KIAA1549L: variants seen among roughly 807,000 people sequenced by gnomAD.
KIAA1549L encodes UPF0606 protein KIAA1549L.
KIAA1549L carries 88 observed loss-of-function variants against 160.7 expected under a neutral mutation model. The observed-to-expected ratio is 0.55, with a 90% confidence interval of 0.46 to 0.65. KIAA1549L has a LOEUF of 0.65. KIAA1549L is among the 30% of genes least tolerant of loss of function. The pLI, the probability that KIAA1549L is intolerant of heterozygous loss-of-function variation, is 0.00. For synonymous variants in KIAA1549L, 950 were observed against 976.7 expected (o/e 0.97, Z 0.51); for missense variants, 2,258 against 2,437.5 (o/e 0.93, Z 1.55).
chr11:33,500,147 TA>T (rs1435182849), intron 1 of KIAA1549L, among the ~76,000 whole-genome samples: 1 of 152,210 alleles, frequency 6.6e-6, no homozygotes, highest in Non-Finnish European at 1.5e-5. Flanking sequence ...AGATTTCTTA[TA>T]AAGGAGAATT....
At chr11:33,504,462 T>TTCCC in intron 1 of KIAA1549L, among the ~76,000 whole-genome samples, 1 of 151,592 alleles carries the variant, frequency 6.6e-6, no homozygotes, top group African/African-American at 2.4e-5. Context: ...TTCCCTTCCC[T>TTCCC]TTCCCTTTCT....
intron 12 of KIAA1549L, among the ~76,000 whole-genome samples, chr11:33,597,081 C>T (rs115976753): frequency 5.3e-5 from 8 of 152,152 alleles, no homozygotes; most frequent in Admixed American, 1.3e-4. Flanking sequence ...AGATTGTGAC[C>T]GAATAAATTT....
At position 33,668,496 on chromosome 11, in the gene KIAA1549L, A is replaced by C; in HGVS notation, c.*342A>C. The C allele has an allele frequency of 3.2e-6, 1 of 315,430 alleles. No individual in the cohort carries two copies. The highest frequency in any genetic ancestry group is 6.0e-6 in the Non-Finnish European group (1 of 167,780). 19.5% of individuals were successfully genotyped at this position (315,430 alleles called of 1,614,324 possible). ...CCTATCCAATGCCACATTTTAATAA[A>C]TCACCGGAAGCGGGAGAATGTAGCT... On this transcript the variant is annotated 3_prime_UTR_variant, in exon 21 of 21. Transcript: ENST00000658780.
chr11:33,501,580 A>G (rs1418228998), intron 1 of KIAA1549L, among the ~76,000 whole-genome samples: 1 of 152,212 alleles, frequency 6.6e-6, no homozygotes, highest in Non-Finnish European at 1.5e-5. Flanking sequence ...AGAAGACTGA[A>G]TGAAGATAAA....
At chr11:33,603,843 T>TGGAGC (rs1850427971) in intron 13 of KIAA1549L, among the ~76,000 whole-genome samples, 1 of 149,942 alleles carries the variant, frequency 6.7e-6, no homozygotes, top group Non-Finnish European at 1.5e-5. Flanking sequence ...CCACTGTGGC[T>TGGAGC]GGAGCAGAGC....
intron 10 of KIAA1549L, among the ~76,000 whole-genome samples, chr11:33,577,820 G>A (rs974256092): frequency 1.3e-5 from 2 of 152,126 alleles, no homozygotes; most frequent in African/African-American, 4.8e-5. Context: ...GTCCTTTGAA[G>A]CTCCCCTTCC....
intron 1 of KIAA1549L, among the ~76,000 whole-genome samples, chr11:33,458,561 T>C (rs1479504444): frequency 3.3e-5 from 5 of 152,080 alleles, no homozygotes; most frequent in South Asian, 4.1e-4. Flanking sequence ...GATGAAGTAT[T>C]TGAGGGGAGC....
chr11:33,607,050 AG>A (rs1233205287), intron 14 of KIAA1549L, among the ~76,000 whole-genome samples: 1 of 152,198 alleles, frequency 6.6e-6, no homozygotes, highest in African/African-American at 2.4e-5. Flanking sequence ...TTAAAAGCCC[AG>A]AAGGAACTGT....
At chr11:33,636,463 T>C (rs1590424024) in intron 16 of KIAA1549L, among the ~76,000 whole-genome samples, 1 of 151,670 alleles carries the variant, frequency 6.6e-6, no homozygotes, top group East Asian at 1.9e-4. Context: ...CCCAAGTAGC[T>C]GGGATTACAG....
intron 1 of KIAA1549L, among the ~76,000 whole-genome samples, chr11:33,404,064 T>C (rs1850594880): frequency 6.6e-6 from 1 of 152,208 alleles, no homozygotes; most frequent in African/African-American, 2.4e-5. Context: ...TGGGCCTCTG[T>C]GTCAGACGTC....
chr11:33,406,075 A>G (rs1372747742), intron 1 of KIAA1549L, among the ~76,000 whole-genome samples: 1 of 152,204 alleles, frequency 6.6e-6, no homozygotes, highest in Non-Finnish European at 1.5e-5. Context: ...CTAACTCATT[A>G]CTACAACAGT....
At chr11:33,536,963 T>A (rs772306039) in intron 1 of KIAA1549L, among the ~76,000 whole-genome samples, 1 of 152,164 alleles carries the variant, frequency 6.6e-6, no homozygotes, top group Non-Finnish European at 1.5e-5. Context: ...GCTCGCATCC[T>A]CCCCACCAAA....
chr11:33,502,213 A>G (rs1852966980), intron 1 of KIAA1549L, among the ~76,000 whole-genome samples: 1 of 152,202 alleles, frequency 6.6e-6, no homozygotes, highest in Non-Finnish European at 1.5e-5. Flanking sequence ...ATTCTGTTCC[A>G]CTAGCTTCTG....
At chr11:33,601,388 G>A (rs1850356111) in intron 13 of KIAA1549L, among the ~76,000 whole-genome samples, 1 of 151,944 alleles carries the variant, frequency 6.6e-6, no homozygotes, top group Admixed American at 6.6e-5. Flanking sequence ...TTTATCAGAG[G>A]GTTCCATTTT....
chr11:33,508,204 G>A (rs1477964392), intron 1 of KIAA1549L, among the ~76,000 whole-genome samples: 1 of 152,230 alleles, frequency 6.6e-6, no homozygotes, highest in Non-Finnish European at 1.5e-5. Flanking sequence ...CATCTGGGAA[G>A]TGTAGTTTTT....
intron 18 of KIAA1549L, among the ~76,000 whole-genome samples, chr11:33,658,036 A>C (rs1394525901): frequency 6.6e-6 from 1 of 152,240 alleles, no homozygotes; most frequent in Non-Finnish European, 1.5e-5. Flanking sequence ...ATGCTTGTGA[A>C]GGAAAATGGT....
At position 33,376,328 on chromosome 11, in the gene KIAA1549L, CCCG is replaced by C. The variant is rs1472379965; in HGVS notation, c.-323_-321del. 6.7e-6 allele frequency: 1 copy of C among 148,600 alleles called. No individual in the cohort carries two copies. Among genetic ancestry groups the C allele is most frequent in the Non-Finnish European group, 1.5e-5 (1 of 66,846 alleles). 9.2% of individuals were successfully genotyped at this position (148,600 alleles called of 1,614,324 possible). A position where few individuals can be genotyped will look rare whatever the true frequency, so the allele number is the denominator to read the frequency against. Reference sequence around the variant, plus strand: ...CGCCCCCTAGTTCTGCAGGAGCCGGCCCGGGGGAGGGGGCCCCGGGCGGCGCCC... The same window carrying C: ...CGCCCCCTAGTTCTGCAGGAGCCGGCGGGGAGGGGGCCCCGGGCGGCGCCC... On this transcript the variant is annotated 5_prime_UTR_variant, in exon 1 of 21. Transcript: ENST00000658780. The surrounding 1 kb of genome is among the most constrained non-coding windows in gnomAD (Gnocchi z 5.8).
At chr11:33,608,448 C>G (rs1275289683) in intron 14 of KIAA1549L, among the ~76,000 whole-genome samples, 1 of 152,260 alleles carries the variant, frequency 6.6e-6, no homozygotes, top group African/African-American at 2.4e-5. Context: ...GTCACAGTCA[C>G]TGAATTTTCT....
intron 1 of KIAA1549L, among the ~76,000 whole-genome samples, chr11:33,475,359 C>T (rs1852262562): frequency 6.6e-6 from 1 of 152,096 alleles, no homozygotes; most frequent in Non-Finnish European, 1.5e-5. Flanking sequence ...GGCTCTTAAA[C>T]AAAAGTGCAT....
Sources: allele counts gnomAD v4.1 joint callset (sites outside exome capture counted in the v4.1 genomes callset), GRCh38; gene constraint gnomAD v4.1.1; non-coding constraint Gnocchi (gnomAD v3.1); transcripts MANE v1.5; gene names NCBI Gene and HGNC (gene_info 2026-07-23, HGNC 2026-07-21).